CFAP299: variants seen among roughly 807,000 people sequenced by gnomAD.
CFAP299 encodes cilia and flagella associated protein 299, also known as cilia- and flagella-associated protein 299.
A neutral mutation model predicts 27.0 loss-of-function variants in CFAP299; 21 were observed. The observed-to-expected ratio is 0.78, with a 90% CI of 0.55 to 1.12. The LOEUF is 1.12. CFAP299 is among the 50% of genes most tolerant of loss of function. The pLI, the probability that CFAP299 is intolerant of heterozygous loss-of-function variation, is 0.00. For missense variants in CFAP299, 310 were observed against 276.6 expected (o/e 1.12, Z -0.86); for synonymous variants, 104 against 98.1 (o/e 1.06, Z -0.36).
intron 2 of CFAP299, among the ~76,000 whole-genome samples, chr4:80,555,651 A>G (rs1734745437): frequency 6.6e-6 from 1 of 151,984 alleles, no homozygotes; most frequent in Non-Finnish European, 1.5e-5. Context: ...TTGATAGGCT[A>G]TTTATTACTG....
At chr4:80,556,119 T>C (rs561519228) in intron 2 of CFAP299, among the ~76,000 whole-genome samples, 1 of 152,228 alleles carries the variant, frequency 6.6e-6, no homozygotes, top group African/African-American at 2.4e-5. Context: ...CCTATTCTAC[T>C]TCATATTGGG....
intron 4 of CFAP299, among the ~76,000 whole-genome samples, chr4:80,923,087 G>A (rs1003785422): frequency 6.6e-6 from 1 of 151,976 alleles, no homozygotes; most frequent in African/African-American, 2.4e-5. Context: ...TAGATAATCT[G>A]CTCCAAGGGG....
intron 2 of CFAP299, among the ~76,000 whole-genome samples, chr4:80,430,140 T>G (rs1272060572): frequency 1.3e-5 from 2 of 152,204 alleles, no homozygotes; most frequent in Admixed American, 6.5e-5. Context: ...ATTCATTTAT[T>G]TAATATATTT....
At chr4:80,940,515 C>T (rs554513043) in intron 4 of CFAP299, among the ~76,000 whole-genome samples, 3 of 152,242 alleles carry the variant, frequency 2.0e-5, no homozygotes, top group East Asian at 1.9e-4. Context: ...TTTCCACGAA[C>T]GGGGTTCTAG....
chr4:80,351,761 A>T (rs949042971), intron 1 of CFAP299, among the ~76,000 whole-genome samples: 3 of 151,316 alleles, frequency 2.0e-5, no homozygotes, highest in African/African-American at 7.3e-5. Flanking sequence ...TAACATTAAC[A>T]GATTAATAAT....
intron 3 of CFAP299, among the ~76,000 whole-genome samples, chr4:80,673,163 C>A (rs757253513): frequency 1.2e-4 from 19 of 152,128 alleles, no homozygotes; most frequent in Non-Finnish European, 2.4e-4. Flanking sequence ...ATAAACTTCC[C>A]TCTACACACT....
chr4:80,723,692 GCTA>G (rs1474320975), intron 3 of CFAP299, among the ~76,000 whole-genome samples: 2 of 151,858 alleles, frequency 1.3e-5, no homozygotes, highest in Non-Finnish European at 2.9e-5. Flanking sequence ...TAGAATTTAA[GCTA>G]CACAATTTAA....
chr4:80,357,543 G>A (rs969287408), intron 1 of CFAP299, among the ~76,000 whole-genome samples: 2 of 152,028 alleles, frequency 1.3e-5, no homozygotes, highest in Non-Finnish European at 2.9e-5. Context: ...AAGGATTCAA[G>A]TTCTTCCTGG....
At chr4:80,692,593 C>G (rs1720795254) in intron 3 of CFAP299, among the ~76,000 whole-genome samples, 1 of 152,096 alleles carries the variant, frequency 6.6e-6, no homozygotes, top group Non-Finnish European at 1.5e-5. Flanking sequence ...ATAAAAAACC[C>G]TAGAAGAAAA....
At chr4:80,891,898 T>C (rs1234322469) in intron 4 of CFAP299, among the ~76,000 whole-genome samples, 1 of 144,962 alleles carries the variant, frequency 6.9e-6, no homozygotes, top group Admixed American at 6.9e-5. Context: ...ATGTTCATGA[T>C]TGGAAGATAA....
chr4:80,524,198 A>G (rs1186294096), intron 2 of CFAP299, among the ~76,000 whole-genome samples: 1 of 152,084 alleles, frequency 6.6e-6, no homozygotes, highest in African/African-American at 2.4e-5. Flanking sequence ...ATCCAGCCAC[A>G]AAATGTTGAC....
At chr4:80,444,432 G>T (rs1470122724) in intron 2 of CFAP299, among the ~76,000 whole-genome samples, 1 of 152,132 alleles carries the variant, frequency 6.6e-6, no homozygotes, top group African/African-American at 2.4e-5. Flanking sequence ...ATGGGGAAAG[G>T]ATTCCCTATT....
chr4:80,855,920 C>A (rs112041716), intron 3 of CFAP299, among the ~76,000 whole-genome samples: 1 of 151,604 alleles, frequency 6.6e-6, no homozygotes, highest in Non-Finnish European at 1.5e-5. Flanking sequence ...GGGTATATAC[C>A]CAGTAATGGG....
intron 2 of CFAP299, among the ~76,000 whole-genome samples, chr4:80,393,517 A>G (rs1279825633): frequency 6.6e-6 from 1 of 152,160 alleles, no homozygotes; most frequent in Non-Finnish European, 1.5e-5. Flanking sequence ...ATACATGTAT[A>G]TAATTTTTCA....
At chr4:80,733,944 C>T (rs1411086758) in intron 3 of CFAP299, among the ~76,000 whole-genome samples, 3 of 152,044 alleles carry the variant, frequency 2.0e-5, no homozygotes, top group African/African-American at 7.2e-5. Flanking sequence ...ACAGATATCT[C>T]TTTGATGTAC....
intron 4 of CFAP299, among the ~76,000 whole-genome samples, chr4:80,902,580 A>AATATATATATAT: frequency 1.2e-5 from 1 of 82,478 alleles, no homozygotes; most frequent in South Asian, 4.2e-4. Context: ...ATATATATGT[A>AATATATATATAT]ATATATACAC....
chr4:80,335,944 C>A, intron 1 of CFAP299, 65 bp downstream of exon 1: 2 of 1,022,392 alleles, frequency 2.0e-6, no homozygotes, highest in Non-Finnish European at 3.1e-6. Flanking sequence ...CGAGTTCCCG[C>A]TTCGTGGGCT....
intron 2 of CFAP299, among the ~76,000 whole-genome samples, chr4:80,551,876 A>G (rs1220388937): frequency 2.0e-5 from 3 of 151,608 alleles, no homozygotes; most frequent in African/African-American, 7.3e-5. Context: ...AGCCTCCCGA[A>G]TAGCTGGGAC....
intron 4 of CFAP299, among the ~76,000 whole-genome samples, chr4:80,876,809 A>G (rs567046165): frequency 6.6e-6 from 1 of 152,184 alleles, no homozygotes; most frequent in East Asian, 1.9e-4. Context: ...TTCCCAGGTC[A>G]TATTTTTTTT....
Sources: allele counts gnomAD v4.1 joint callset (sites outside exome capture counted in the v4.1 genomes callset), GRCh38; gene constraint gnomAD v4.1.1; transcripts MANE v1.5; gene names NCBI Gene and HGNC (gene_info 2026-07-23, HGNC 2026-07-21).